The following SVIL variants were observed in gnomAD, a reference collection of about 807,000 sequenced individuals.
SVIL encodes the protein supervillin.
In SVIL, 101 loss-of-function variants were observed where a neutral mutation model predicts 240.4. The ratio of observed to expected loss-of-function variants is 0.42; its 90% CI spans 0.36 to 0.50. The LOEUF (loss-of-function observed/expected upper bound fraction) is 0.50. Among genes scored for constraint, SVIL ranks in the 20% least tolerant of loss-of-function variants. SVIL has a pLI of 0.01. For missense variants in SVIL, 2,512 were observed against 2,818.7 expected, an observed-to-expected ratio of 0.89 and a Z score of 2.46; for synonymous variants, 999 against 1,100.0, an observed-to-expected ratio of 0.91 and a Z score of 1.82.
At chr10:29,669,032 G>A (rs1379368115) in intron 2 of SVIL, among the ~76,000 whole-genome samples, 3 of 152,116 alleles carry the variant, frequency 2.0e-5, no homozygotes, top group African/African-American at 7.2e-5. Flanking sequence ...ACATTCTTTT[G>A]GGAGTAACTG....
At position 29,550,613 on chromosome 10, in the gene SVIL, G is replaced by C. The variant is rs1361175792; in HGVS notation, c.811C>G (p.Pro271Ala). 6.2e-7 allele frequency: 1 copy of C among 1,611,482 alleles called. No individual in the cohort carries two copies. Among genetic ancestry groups the C allele is most frequent in the Non-Finnish European group, 8.5e-7 (1 of 1,178,962 alleles). The change falls in exon 6 of 38, where the codon CCT becomes GCT. Residue 271 changes from proline (P) to alanine (A), a missense_variant. Physicochemically the swap from Pro to Ala is conservative, Grantham distance 27. This residue lies in a region of SVIL where 1,443 missense variants were observed against 1,486.6 expected (regional missense o/e 0.97). Coordinates refer to ENST00000355867, the MANE Select transcript of SVIL (RefSeq NM_021738.3). ...SPSFGDPQLS[P>A]EARPSTGKPK... ...GATGCTTACCTGGGTCGGGCCTCAG[G>C]GGATAGCTGTGGGTCACCAAAGGAG...
In SVIL at chr10:29,458,545, T is replaced by C. The variant is rs1210727660; in HGVS notation, c.6447A>G (p.Leu2149=). Residue 2149 remains leucine, a synonymous_variant, in exon 37 of 38, where the codon TTA becomes TTG. Transcript: ENST00000355867. ...GGTAAATGGTTTTACAGAGCTTGGCTAAGACGTCTTCCACGAGGGTGATCT... is the reference window on the plus strand; with the variant it reads ...GGTAAATGGTTTTACAGAGCTTGGCCAAGACGTCTTCCACGAGGGTGATCT... The part of the protein sequence containing the change: ...SNQITLVEDV[L]AKLCKTIYPL... 6.2e-7 allele frequency: 1 copy of C among 1,611,990 alleles called. No homozygotes were observed. Among genetic ancestry groups the C allele is most frequent in the Admixed American group, 1.7e-5 (1 of 59,600 alleles).
intron 1 of SVIL, among the ~76,000 whole-genome samples, chr10:29,709,237 C>T (rs1470344808): frequency 2.6e-5 from 4 of 152,194 alleles, no homozygotes; most frequent in Non-Finnish European, 4.4e-5. Context: ...ATTGTACTTA[C>T]CAGCTGAGCA....
At chr10:29,520,805 A>G (rs561880890) in intron 16 of SVIL, among the ~76,000 whole-genome samples, 2 of 152,064 alleles carry the variant, frequency 1.3e-5, no homozygotes, top group South Asian at 4.1e-4. Flanking sequence ...AGTCCCAGCT[A>G]CTGGGGAGGC....
Position 29,698,239 on chromosome 10 carries a change from G to C in SVIL, c.-399-11588C>G, listed in dbSNP as rs1962235974. On this transcript the variant is annotated intron_variant, in intron 1 of 35. Coordinates refer to the SVIL transcript ENST00000375400. ...TGTCCTTACTTTCTAACATCTTTCT[G>C]ATAACATTATTATGTTGCCTTCTTG... 24 of 650,528 alleles carry C rather than the reference G, an allele frequency of 3.7e-5. 4 individuals are homozygous for C. Among genetic ancestry groups the C allele is most frequent in the Non-Finnish European group, 5.0e-5 (21 of 417,688 alleles). 40.3% of individuals were successfully genotyped at this position (650,528 alleles called of 1,614,324 possible). A position where few individuals can be genotyped will look rare whatever the true frequency, so the allele number is the denominator to read the frequency against.
In SVIL at chr10:29,463,482, G is replaced by A; in HGVS notation, c.6277+10C>T. 1 of 1,612,872 alleles carries A rather than the reference G, an allele frequency of 6.2e-7. No homozygotes were observed. The highest frequency in any genetic ancestry group is 8.5e-7 in the Non-Finnish European group (1 of 1,179,384). Reference sequence around the variant, plus strand: ...GTTCCGTGCTGCAGGCATGTTAGAGGGAGCCTCACCTTTGCAGTACTGGAG... The same window carrying A: ...GTTCCGTGCTGCAGGCATGTTAGAGAGAGCCTCACCTTTGCAGTACTGGAG... On this transcript the variant is annotated intron_variant, in intron 35 of 37. Transcript: ENST00000355867.
At chr10:29,684,004 A>C (rs980980875) in intron 2 of SVIL, among the ~76,000 whole-genome samples, 2 of 152,238 alleles carry the variant, frequency 1.3e-5, no homozygotes, top group Non-Finnish European at 2.9e-5. Context: ...ATTGAGTTGA[A>C]CATCTTTGCG....
chr10:29,546,343 C>T (rs574467052), intron 6 of SVIL, among the ~76,000 whole-genome samples: 42 of 152,252 alleles, frequency 2.8e-4, no homozygotes, highest in African/African-American at 9.4e-4. Flanking sequence ...TTTTCTACTT[C>T]ACCTATTTCG....
rs544191041 is a variant in SVIL, at chr10:29,574,606, CAAGGTCACA to C, written c.-200-5303_-200-5295del. Among the ~76,000 whole-genome samples the C allele has an allele frequency of 1.1e-4, 16 of 152,298 alleles. No individual in the cohort carries two copies. In the South Asian group the frequency reaches 3.1e-3, roughly 30 times the overall value. On this transcript the variant is annotated intron_variant, in intron 1 of 37. Transcript: ENST00000355867. ...TGTTAGATGACTCCTGTAGAATACT[CAAGGTCACA>C]AAGCTTGTGGCGTGGAAGTGCCAGG...
At chr10:29,642,809 A>G (rs925862755) in intron 3 of SVIL, among the ~76,000 whole-genome samples, 1 of 151,836 alleles carries the variant, frequency 6.6e-6, no homozygotes, top group Non-Finnish European at 1.5e-5. Context: ...TCAGCCTCCC[A>G]AGTAGCTGGG....
In SVIL at chr10:29,486,138, C is replaced by G; in HGVS notation, c.4726G>C (p.Asp1576His). Residue 1576 changes from aspartate (D) to histidine (H), a missense_variant, in exon 26 of 38, where the codon GAT (aspartate) becomes CAT (histidine). Asp to His is a moderately conservative substitution (Grantham distance 81). Around this residue, in one of 3 missense-constraint regions of SVIL, gnomAD observed 797 missense variants for 925.3 expected, o/e 0.86. Coordinates refer to ENST00000355867, the MANE Select transcript of SVIL (RefSeq NM_021738.3). Reference sequence around the variant, plus strand: ...GGAATTTTCCCCCAGTAGTCGTCATCAGGAACAAGTTTGTCATCCATGAGA... The same window carrying G: ...GGAATTTTCCCCCAGTAGTCGTCATGAGGAACAAGTTTGTCATCCATGAGA... ...YRLMDDKLVP[D>H]DDYWGKIPKC... 6.2e-7 allele frequency: 1 copy of G among 1,614,202 alleles called. No individual in the cohort carries two copies. The highest frequency in any genetic ancestry group is 8.5e-7 in the Non-Finnish European group (1 of 1,180,042).
intron 3 of SVIL, among the ~76,000 whole-genome samples, chr10:29,561,480 C>T (rs1954465966): frequency 6.6e-6 from 1 of 152,180 alleles, no homozygotes; most frequent in South Asian, 2.1e-4. Context: ...AGAACTTTGC[C>T]TAATAAACTT....
intron 17 of SVIL, among the ~76,000 whole-genome samples, chr10:29,512,150 C>T (rs1949882844): frequency 6.6e-6 from 1 of 152,208 alleles, no homozygotes; most frequent in African/African-American, 2.4e-5. Context: ...TTTAACAATT[C>T]ATCAATACTT....
chr10:29,527,407 T>G (rs975603779), intron 12 of SVIL, among the ~76,000 whole-genome samples: 1 of 152,106 alleles, frequency 6.6e-6, no homozygotes, highest in African/African-American at 2.4e-5. Context: ...TTTAGAATAT[T>G]GTTTCCAATC....
exon 2 of SVIL, chr10:29,686,575 T>G (rs989797585): frequency 5.9e-5 from 9 of 152,138 alleles, no homozygotes; most frequent in African/African-American, 2.2e-4. Flanking sequence ...TAGTCAAAAC[T>G]CAGTGAGAAT....
At chr10:29,626,194 G>A (rs954756153) in intron 1 of SVIL, among the ~76,000 whole-genome samples, 4 of 152,072 alleles carry the variant, frequency 2.6e-5, no homozygotes, top group South Asian at 2.1e-4. Context: ...GTTTTCTCAA[G>A]GCACACACAC....
chr10:29,520,510 A>G (rs1950491893), intron 16 of SVIL, among the ~76,000 whole-genome samples: 1 of 152,228 alleles, frequency 6.6e-6, no homozygotes, highest in Admixed American at 6.5e-5. Flanking sequence ...ATTTTAAGTA[A>G]GTAAAGGAGA....
Position 29,480,368 on chromosome 10 carries a change from T to C in SVIL, c.5377+169A>G, listed in dbSNP as rs1185656647. ...TAGGTTGTTAGGAATTCGGCCTTACTTCTTTTCATCTCTGTAGTTTACTAG... is the reference window on the plus strand; with the variant it reads ...TAGGTTGTTAGGAATTCGGCCTTACCTCTTTTCATCTCTGTAGTTTACTAG... On this transcript the variant is annotated intron_variant, in intron 29 of 37. Coordinates refer to ENST00000355867, the MANE Select transcript of SVIL (RefSeq NM_021738.3). Among the ~76,000 whole-genome samples, 4 of 152,178 alleles carry C rather than the reference T, an allele frequency of 2.6e-5. No individual in the cohort carries two copies. The East Asian group carries it at 7.7e-4, about 29-fold the overall frequency.
intron 3 of SVIL, among the ~76,000 whole-genome samples, chr10:29,651,217 A>T (rs1958823892): frequency 6.6e-6 from 1 of 152,170 alleles, no homozygotes; most frequent in South Asian, 2.1e-4. Flanking sequence ...TCCCAGGAAG[A>T]CACGACCTCC....
Sources: allele counts gnomAD v4.1 joint callset (sites outside exome capture counted in the v4.1 genomes callset), GRCh38; gene constraint gnomAD v4.1.1; regional missense constraint gnomAD v4.1.1; transcripts MANE v1.5; gene names NCBI Gene and HGNC (gene_info 2026-07-23, HGNC 2026-07-21).